MTPAP: variants seen among roughly 807,000 people sequenced by gnomAD.
MTPAP encodes mitochondrial poly(A) polymerase.
Under a neutral mutation model 48.7 loss-of-function variants are expected in MTPAP, and 23 were observed. The observed-to-expected ratio is 0.47, with a 90% CI of 0.34 to 0.67. The LOEUF is 0.67. MTPAP is among the 30% of genes least tolerant of loss of function. The pLI is 0.01. For missense variants in MTPAP, 614 were observed against 694.3 expected, an observed-to-expected ratio of 0.88 and a Z score of 1.30; for synonymous variants, 257 against 254.1, an observed-to-expected ratio of 1.01 and a Z score of -0.11.
At chr10:30,326,336 A>G (rs1011521299) in intron 5 of MTPAP, 88 bp downstream of exon 5, 16 of 1,230,724 alleles carry the variant, frequency 1.3e-5, no homozygotes, top group Non-Finnish European at 1.5e-5. Context: ...CATGTTTAAG[A>G]TTACAAAGCC....
intron 3 of MTPAP, 63 bp from the exon 4 acceptor site, chr10:30,337,090 A>G: frequency 7.2e-7 from 1 of 1,390,732 alleles, no homozygotes; most frequent in South Asian, 1.2e-5. Flanking sequence ...AAAAGTTACC[A>G]TTTTACTTTC....
At chr10:30,318,912 G>C (rs1016643640) in intron 6 of MTPAP, among the ~76,000 whole-genome samples, 13 of 152,146 alleles carry the variant, frequency 8.5e-5, no homozygotes, top group Non-Finnish European at 1.8e-4. Flanking sequence ...TACAATACAG[G>C]TGTGTACCAA....
At chr10:30,314,693 T>C (rs1346580860) in intron 8 of MTPAP, among the ~76,000 whole-genome samples, 1 of 151,314 alleles carries the variant, frequency 6.6e-6, no homozygotes, top group Non-Finnish European at 1.5e-5. Context: ...ACCAACATGG[T>C]GAAATCCCAT....
chr10:30,338,182 T>C (rs536682326), intron 3 of MTPAP, among the ~76,000 whole-genome samples: 5 of 151,936 alleles, frequency 3.3e-5, no homozygotes, highest in Admixed American at 6.6e-5. Context: ...GTCACTTGAG[T>C]CCAGGAGTAT....
chr10:30,338,815 C>T lies in MTPAP; in HGVS notation c.555+1411G>A, dbSNP rs996857851. ...CTTTGGAAAGACTAGCAAGGTCTGG[C>T]AAGTCTGAGTAAGAAACACCAAGAC... On this transcript the variant is annotated intron_variant, in intron 3 of 8. Transcript: ENST00000263063. Among the ~76,000 whole-genome samples the T allele has an allele frequency of 2.0e-5, 3 of 152,060 alleles. No individual in the cohort carries two copies. The South Asian group carries it at 6.2e-4, about 32-fold the overall frequency.
intron 2 of MTPAP, among the ~76,000 whole-genome samples, chr10:30,341,001 C>T (rs1834798452): frequency 6.6e-6 from 1 of 151,960 alleles, no homozygotes; most frequent in Non-Finnish European, 1.5e-5. Flanking sequence ...CAGAAAAATC[C>T]AAAGGCAAAA....
chr10:30,336,985 T>C lies in MTPAP; in HGVS notation c.598A>G (p.Thr200Ala), dbSNP rs371039160. Reference sequence around the variant, plus strand: ...TATCGGAGCTTAGTGTTCTCCTCTGTTAGCTGGAACTCCTTCAAGAGAGTG... The same window carrying C: ...TATCGGAGCTTAGTGTTCTCCTCTGCTAGCTGGAACTCCTTCAAGAGAGTG... ...LNTLLKEFQL[T>A]EENTKLRYLT... The change falls in exon 4 of 9, where the codon ACA (threonine) becomes GCA (alanine). Residue 200 changes from threonine to alanine, a missense_variant. By Grantham distance (58) the Thr-to-Ala change is moderately conservative. Coordinates refer to ENST00000263063, the MANE Select transcript of MTPAP (RefSeq NM_018109.4). 20 of 1,613,624 alleles carry C rather than the reference T, an allele frequency of 1.2e-5. No homozygotes were observed. The highest frequency in any genetic ancestry group is 1.6e-5 in the Non-Finnish European group (19 of 1,180,032).
At chr10:30,326,349 T>C in intron 5 of MTPAP, 75 bp downstream of exon 5, 2 of 1,344,016 alleles carry the variant, frequency 1.5e-6, no homozygotes, top group Non-Finnish European at 2.1e-6. Flanking sequence ...ACAAAGCCAC[T>C]GTTTCTGTGT....
At chr10:30,330,578 A>T (rs1321341578) in intron 4 of MTPAP, among the ~76,000 whole-genome samples, 1 of 152,246 alleles carries the variant, frequency 6.6e-6, no homozygotes, top group Admixed American at 6.5e-5. Flanking sequence ...AAGAAAAAAT[A>T]GCTCTGATTA....
intron 3 of MTPAP, among the ~76,000 whole-genome samples, chr10:30,338,260 A>G (rs1346140381): frequency 6.6e-6 from 1 of 150,596 alleles, no homozygotes; most frequent in Non-Finnish European, 1.5e-5. Flanking sequence ...ACTCCACCTC[A>G]AAAAATAACG....
intron 1 of MTPAP, among the ~76,000 whole-genome samples, chr10:30,345,924 T>C (rs1349909607): frequency 6.6e-6 from 1 of 151,748 alleles, no homozygotes; most frequent in East Asian, 1.9e-4. Context: ...AACGCGTGCC[T>C]GTAATCCCAG....
chr10:30,322,291 T>G (rs1840734585), intron 6 of MTPAP, 100 bp downstream of exon 6: 2 of 1,056,828 alleles, frequency 1.9e-6, no homozygotes, highest in Admixed American at 3.8e-5. Flanking sequence ...ACAAATTTTA[T>G]GACTAATAAA....
At chr10:30,314,128 G>T (rs1840634062) in intron 8 of MTPAP, among the ~76,000 whole-genome samples, 157 bp from the exon 9 acceptor site, 1 of 152,030 alleles carries the variant, frequency 6.6e-6, no homozygotes, top group Non-Finnish European at 1.5e-5. Flanking sequence ...TGTATGCATG[G>T]TGGGTGTGTG....
At position 30,311,029 on chromosome 10, in the gene MTPAP, C is replaced by G. The variant is rs1364834614; in HGVS notation, c.*2580G>C. The G allele has an allele frequency of 3.3e-5, 5 of 152,086 alleles. 1 individual carries two copies. Among genetic ancestry groups the G allele is most frequent in the South Asian group, 4.1e-4 (2 of 4,828 alleles). 9.4% of individuals were successfully genotyped at this position (152,086 alleles called of 1,614,324 possible). On this transcript the variant is annotated 3_prime_UTR_variant, in exon 9 of 9. Transcript: ENST00000263063. Reference sequence around the variant, plus strand: ...TACCAAAAAGAAAAGAAAATGCTAACCCATACACATACTTTATGTGCTTAA... The same window carrying G: ...TACCAAAAAGAAAAGAAAATGCTAAGCCATACACATACTTTATGTGCTTAA...
In MTPAP at chr10:30,348,992, G is replaced by A. The variant is rs138965258; in HGVS notation, c.157+127C>T. The stretch of plus-strand genomic sequence containing the variant: ...CTACAGAGATCAGAGGAGAGGAGAG[G>A]ACAGGACACAGCCCCACCCTCTTGC... On this transcript the variant is annotated intron_variant, in intron 1 of 8. Transcript: ENST00000263063. The A allele has an allele frequency of 2.9e-6, 4 of 1,393,856 alleles. No homozygotes were observed. The South Asian group carries it at 3.6e-5, about 13-fold the overall frequency. The allele number at this position is 1,393,856 out of a possible 1,614,324, so 86.3% of individuals were successfully genotyped here.
chr10:30,341,050 A>G (rs1834799148), intron 2 of MTPAP, among the ~76,000 whole-genome samples: 1 of 152,188 alleles, frequency 6.6e-6, no homozygotes, highest in African/African-American at 2.4e-5. Flanking sequence ...CGCAAGTTAA[A>G]GAGACTATCT....
rs569794276 is a variant in MTPAP, at chr10:30,340,456, C to T, written c.331-6G>A. The T allele has an allele frequency of 6.2e-7, 1 of 1,602,890 alleles. No homozygotes were observed. The highest frequency in any genetic ancestry group is 1.1e-5 in the South Asian group (1 of 90,862). ...TCTACGACAGCATAGAGACCCTATA[C>T]CAAAAACATAAGAAAAAACAGAACA... On this transcript the variant is annotated splice_region_variant and splice_polypyrimidine_tract_variant and intron_variant, in intron 2 of 8. Coordinates refer to ENST00000263063, the MANE Select transcript of MTPAP (RefSeq NM_018109.4).
intron 4 of MTPAP, among the ~76,000 whole-genome samples, chr10:30,327,845 CAAA>C (rs71525585): frequency 1.2e-5 from 1 of 84,138 alleles, no homozygotes; most frequent in Non-Finnish European, 2.4e-5. Flanking sequence ...GACTCCATCT[CAAA>C]AAAAAAAAAA....
At chr10:30,343,214 G>A (rs375528134) in intron 1 of MTPAP, among the ~76,000 whole-genome samples, 4 of 151,902 alleles carry the variant, frequency 2.6e-5, no homozygotes, top group African/African-American at 9.7e-5. Context: ...TTTGGGAGAC[G>A]GAGGTGGGCG....
Sources: allele counts gnomAD v4.1 joint callset (sites outside exome capture counted in the v4.1 genomes callset), GRCh38; gene constraint gnomAD v4.1.1; transcripts MANE v1.5; gene names NCBI Gene and HGNC (gene_info 2026-07-23, HGNC 2026-07-21).